Variants in RARB observed in about 807,000 individuals in gnomAD.
RARB encodes the protein retinoic acid receptor beta.
In RARB, 17 loss-of-function variants were observed where a neutral mutation model predicts 51.9. The observed-to-expected ratio is 0.33, with a 90% confidence interval of 0.22 to 0.49. The LOEUF (loss-of-function observed/expected upper bound fraction) is 0.49, where lower values mean the gene tolerates loss of function less well. Ranked by LOEUF, RARB falls within the 20% of genes least tolerant of loss-of-function variation. RARB has a pLI of 0.99. For synonymous variants in RARB, 215 were observed against 195.4 expected (o/e 1.10, Z -0.84); for missense variants, 369 against 550.8 (o/e 0.67, Z 3.30).
intron 1 of RARB, among the ~76,000 whole-genome samples, chr3:24,830,780 G>A (rs139128351): frequency 1.3e-4 from 20 of 151,914 alleles, no homozygotes; most frequent in African/African-American, 4.8e-4. Flanking sequence ...AGAAAGACAG[G>A]TGAGGCGGAG....
intron 2 of RARB, among the ~76,000 whole-genome samples, chr3:24,974,994 C>A (rs1158024332): frequency 6.6e-6 from 1 of 152,126 alleles, no homozygotes; most frequent in Non-Finnish European, 1.5e-5. Flanking sequence ...TGGCTATTGA[C>A]TGGTGACTTG....
intron 2 of RARB, among the ~76,000 whole-genome samples, chr3:24,976,236 G>T (rs1381945644): frequency 6.6e-6 from 1 of 152,174 alleles, no homozygotes; most frequent in Admixed American, 6.5e-5. Context: ...ACATGCATGT[G>T]CATGTGTCTC....
chr3:25,345,317 C>G (rs1705355735), intron 5 of RARB, among the ~76,000 whole-genome samples: 1 of 152,022 alleles, frequency 6.6e-6, no homozygotes, highest in South Asian at 2.1e-4. Flanking sequence ...CTTTATTTTT[C>G]CTTTTCGGCT....
intron 5 of RARB, among the ~76,000 whole-genome samples, chr3:25,186,286 C>T (rs115671997): frequency 0.016 from 2,413 of 152,148 alleles, 51 homozygotes; most frequent in African/African-American, 0.054. Context: ...AGAATTATGG[C>T]TACAATACCA....
At chr3:24,877,437 G>C (rs149608630) in intron 2 of RARB, among the ~76,000 whole-genome samples, 1 of 136,782 alleles carries the variant, frequency 7.3e-6, no homozygotes, top group Non-Finnish European at 1.5e-5. Context: ...TTTAAAAGTA[G>C]AGTGCAGGTA....
chr3:24,885,714 G>C (rs1413043524), intron 2 of RARB, among the ~76,000 whole-genome samples: 1 of 152,142 alleles, frequency 6.6e-6, no homozygotes, highest in Non-Finnish European at 1.5e-5. Context: ...CTAGAGTATA[G>C]ATTGGAGACT....
chr3:25,494,464 G>A (rs1023369141), intron 2 of RARB, among the ~76,000 whole-genome samples: 1 of 152,058 alleles, frequency 6.6e-6, no homozygotes, highest in Non-Finnish European at 1.5e-5. Flanking sequence ...AATTCCTAAG[G>A]CCTTTATTTG....
At chr3:25,359,309 G>A (rs532178348) in intron 5 of RARB, among the ~76,000 whole-genome samples, 1 of 152,180 alleles carries the variant, frequency 6.6e-6, no homozygotes, top group South Asian at 2.1e-4. Flanking sequence ...TTGTATTTCT[G>A]TGGGTTCAGT....
rs10526610 is a variant in RARB at position 24,832,628 on chromosome 3, A to AATATATATAT, written c.-459+3239_-459+3248dup. On this transcript the variant is annotated intron_variant, in intron 1 of 11. Transcript: ENST00000383772. The stretch of plus-strand genomic sequence containing the variant: ...CTGTATTTAGAAAAAATTGAGTCCC[A>AATATATATAT]ATATATATATATATATATATATAAT... Among the ~76,000 whole-genome samples, 795 of 88,406 alleles carry AATATATATAT rather than the reference A, an allele frequency of 9.0e-3. 51 individuals are homozygous for AATATATATAT. Among genetic ancestry groups the AATATATATAT allele is most frequent in the African/African-American group, 0.028 (602 of 21,538 alleles). The allele number at this position is 88,406 out of a possible 152,430, so 58.0% of individuals were successfully genotyped here.
chr3:25,114,635 G>T (rs1027903823), intron 3 of RARB, among the ~76,000 whole-genome samples: 1 of 152,116 alleles, frequency 6.6e-6, no homozygotes, highest in Non-Finnish European at 1.5e-5. Context: ...TGACATAATT[G>T]CCATTCTTTG....
chr3:24,893,485 C>A (rs539850561), intron 2 of RARB, among the ~76,000 whole-genome samples: 2 of 152,128 alleles, frequency 1.3e-5, no homozygotes, highest in South Asian at 4.1e-4. Flanking sequence ...AAACAGCTCA[C>A]GCTGATGACA....
intron 4 of RARB, among the ~76,000 whole-genome samples, chr3:25,160,517 C>T (rs976985875): frequency 3.3e-5 from 5 of 152,244 alleles, no homozygotes; most frequent in Non-Finnish European, 5.9e-5. Flanking sequence ...TTGGATTTTC[C>T]ACTATGTGTG....
intron 3 of RARB, among the ~76,000 whole-genome samples, chr3:25,130,971 TTTATTATTGATAATA>T (rs1699942134): frequency 6.8e-6 from 1 of 146,422 alleles, no homozygotes; most frequent in African/African-American, 2.6e-5. Flanking sequence ...ATTATCAATA[TTTATTATTGATAATA>T]TTATCAATAT....
intron 5 of RARB, among the ~76,000 whole-genome samples, chr3:25,382,820 G>A (rs550239029): frequency 1.3e-5 from 2 of 152,082 alleles, no homozygotes; most frequent in East Asian, 1.9e-4. Context: ...ATCATGCCAC[G>A]GCACTCCAGC....
chr3:25,171,900 C>A (rs1012433786), intron 4 of RARB, among the ~76,000 whole-genome samples: 2 of 151,866 alleles, frequency 1.3e-5, no homozygotes, highest in African/African-American at 4.8e-5. Context: ...TATTGGATAA[C>A]GTATGCTTTT....
At chr3:25,107,372 A>C (rs1231876198) in intron 3 of RARB, among the ~76,000 whole-genome samples, 1 of 152,202 alleles carries the variant, frequency 6.6e-6, no homozygotes, top group African/African-American at 2.4e-5. Flanking sequence ...AGGTTCTGAG[A>C]GGGGCCTTTC....
At chr3:24,838,765 G>A (rs574960578) in intron 1 of RARB, among the ~76,000 whole-genome samples, 4 of 152,160 alleles carry the variant, frequency 2.6e-5, no homozygotes, top group African/African-American at 7.2e-5. Context: ...AATAATATAT[G>A]GCAATAGCAG....
At chr3:25,290,115 G>T (rs1489452567) in intron 5 of RARB, among the ~76,000 whole-genome samples, 2 of 152,118 alleles carry the variant, frequency 1.3e-5, no homozygotes, top group Non-Finnish European at 2.9e-5. Flanking sequence ...TATTTACATA[G>T]AAATCTCATT....
chr3:25,361,265 C>T (rs1705924362), intron 5 of RARB, among the ~76,000 whole-genome samples: 2 of 152,260 alleles, frequency 1.3e-5, no homozygotes, highest in South Asian at 4.2e-4. Flanking sequence ...TCTGATTTAT[C>T]AATTCAGCTA....
Sources: gnomAD v4.1 joint callset for allele counts (sites outside exome capture counted in the v4.1 genomes callset) on GRCh38, gnomAD v4.1.1 for gene constraint, MANE v1.5 for transcripts, NCBI Gene and HGNC (gene_info 2026-07-23, HGNC 2026-07-21) for gene names.